Variants in BTBD9 observed in about 807,000 individuals in gnomAD.
BTBD9 encodes BTB/POZ domain-containing protein 9.
In BTBD9, 49 loss-of-function variants were observed where a neutral mutation model predicts 64.3. The ratio of observed to expected loss-of-function variants is 0.76; its 90% CI spans 0.61 to 0.97. The LOEUF is 0.97. BTBD9 is among the 50% of genes least tolerant of loss of function. The probability of loss-of-function intolerance (pLI) is 0.00; values close to 1 mark genes in which losing one functional copy is unlikely to be tolerated. For missense variants in BTBD9, 598 were observed against 762.1 expected, an observed-to-expected ratio of 0.78 and a Z score of 2.53; for synonymous variants, 260 against 274.7, an observed-to-expected ratio of 0.95 and a Z score of 0.53.
At chr6:38,218,052 CGTG>C (rs1319772943) in intron 9 of BTBD9, among the ~76,000 whole-genome samples, 1 of 152,138 alleles carries the variant, frequency 6.6e-6, no homozygotes, top group Non-Finnish European at 1.5e-5. Flanking sequence ...TCAGCAGTCA[CGTG>C]AGCCTTGTTC....
intron 1 of BTBD9, among the ~76,000 whole-genome samples, chr6:38,630,098 C>T (rs1778310769): frequency 1.3e-5 from 2 of 150,998 alleles, no homozygotes; most frequent in South Asian, 2.1e-4. Flanking sequence ...ATCCCAGCTA[C>T]TTGGGAGGCT....
chr6:38,613,019 C>T (rs1296560914), intron 1 of BTBD9: 2 of 151,996 alleles, frequency 1.3e-5, no homozygotes, highest in Admixed American at 1.3e-4. Flanking sequence ...TACAGCAGGG[C>T]CAAATTGAGA....
intron 6 of BTBD9, among the ~76,000 whole-genome samples, chr6:38,384,009 A>G (rs989027799): frequency 6.6e-6 from 1 of 152,016 alleles, no homozygotes; most frequent in African/African-American, 2.4e-5. Flanking sequence ...TCAGTCATAC[A>G]TTATCTTCCT....
At chr6:38,291,809 ATG>A (rs1582175296) in intron 7 of BTBD9, among the ~76,000 whole-genome samples, 1 of 152,260 alleles carries the variant, frequency 6.6e-6, no homozygotes, top group East Asian at 1.9e-4. Flanking sequence ...TGATTTGCGT[ATG>A]TTGAACCAGC....
At chr6:38,305,986 T>C (rs901843895) in intron 7 of BTBD9, among the ~76,000 whole-genome samples, 2 of 152,220 alleles carry the variant, frequency 1.3e-5, no homozygotes, top group African/African-American at 4.8e-5. Context: ...GCCTACCTAG[T>C]TGGACTGCCT....
chr6:38,429,638 A>G (rs1768350742), intron 6 of BTBD9, among the ~76,000 whole-genome samples: 1 of 151,980 alleles, frequency 6.6e-6, no homozygotes, highest in Non-Finnish European at 1.5e-5. Context: ...TGTTGCTCCA[A>G]TTTTCCAACA....
intron 6 of BTBD9, among the ~76,000 whole-genome samples, chr6:38,433,585 C>T (rs1768553567): frequency 1.3e-5 from 2 of 151,714 alleles, no homozygotes; most frequent in Non-Finnish European, 2.9e-5. Context: ...TTTTCCACTA[C>T]CCACCCAAAT....
chr6:38,538,127 T>TGTTAGAATGTTAGTG (rs1774107674), intron 6 of BTBD9, among the ~76,000 whole-genome samples: 1 of 152,228 alleles, frequency 6.6e-6, no homozygotes. Flanking sequence ...CAGACCCACA[T>TGTTAGAATGTTAGTG]GTTAGAATCC....
intron 6 of BTBD9, among the ~76,000 whole-genome samples, chr6:38,399,525 C>T (rs1766833076): frequency 6.6e-6 from 1 of 152,104 alleles, no homozygotes; most frequent in Non-Finnish European, 1.5e-5. Flanking sequence ...TTTAAATTCC[C>T]TATATAGGTT....
At chr6:38,285,158 T>C (rs1219427812) in intron 8 of BTBD9, among the ~76,000 whole-genome samples, 1 of 151,918 alleles carries the variant, frequency 6.6e-6, no homozygotes, top group Non-Finnish European at 1.5e-5. Flanking sequence ...GGAGGGACGG[T>C]TGTGGGTGGG....
chr6:38,556,519 G>GCA lies in BTBD9; in HGVS notation c.1154+21080_1154+21081insTG, dbSNP rs1206495976. Among the ~76,000 whole-genome samples the GCA allele has an allele frequency of 1.3e-4, 6 of 44,898 alleles. No homozygotes were observed. In the East Asian group the frequency reaches 2.4e-3, roughly 18 times the overall value. 29.5% of individuals were successfully genotyped at this position (44,898 alleles called of 152,430 possible). A position where few individuals can be genotyped will look rare whatever the true frequency, so the allele number is the denominator to read the frequency against. On this transcript the variant is annotated intron_variant, in intron 6 of 10. Coordinates refer to ENST00000481247, the MANE Select transcript of BTBD9 (RefSeq NM_001099272.2). ...TTTGTCCTATAAAGTGTGTGTGTGTGTGTGTGTGTGTGTGTGTGTGTGTGT... is the reference window on the plus strand; with the variant it reads ...TTTGTCCTATAAAGTGTGTGTGTGTGCATGTGTGTGTGTGTGTGTGTGTGTGT...
At chr6:38,527,759 G>C (rs1582580471) in intron 6 of BTBD9, among the ~76,000 whole-genome samples, 1 of 141,812 alleles carries the variant, frequency 7.1e-6, no homozygotes, top group East Asian at 2.4e-4. Flanking sequence ...ATCATAATCA[G>C]AAACCAATTT....
intron 8 of BTBD9, among the ~76,000 whole-genome samples, chr6:38,261,027 T>G (rs575733084): frequency 6.6e-6 from 1 of 152,088 alleles, no homozygotes; most frequent in Non-Finnish European, 1.5e-5. Context: ...GCAGCCTCAA[T>G]TTCCTGGACT....
At chr6:38,307,952 GTGGCAACAGTAGATCTCAAACA>G (rs2127568685) in intron 7 of BTBD9, among the ~76,000 whole-genome samples, 1 of 152,318 alleles carries the variant, frequency 6.6e-6, no homozygotes, top group South Asian at 2.1e-4. Context: ...GTGAGGTGAT[GTGGCAACAGTAGATCTCAAACA>G]TACAAGTTCA....
intron 10 of BTBD9, among the ~76,000 whole-genome samples, chr6:38,182,877 A>C (rs1161506601): frequency 1.3e-5 from 2 of 152,186 alleles, no homozygotes; most frequent in Non-Finnish European, 2.9e-5. Flanking sequence ...GCAGTGTCTG[A>C]AACAACCATA....
chr6:38,377,756 A>G (rs1765750805), intron 6 of BTBD9, among the ~76,000 whole-genome samples: 1 of 152,146 alleles, frequency 6.6e-6, no homozygotes, highest in South Asian at 2.1e-4. Context: ...CTTTTTCATA[A>G]TCATATTTAC....
intron 6 of BTBD9, among the ~76,000 whole-genome samples, chr6:38,413,213 C>T (rs1432388954): frequency 6.6e-6 from 1 of 152,132 alleles, no homozygotes; most frequent in Non-Finnish European, 1.5e-5. Context: ...GACTCCTCTT[C>T]AGTAACGTGG....
chr6:38,496,479 CAA>C (rs549659852), intron 6 of BTBD9, among the ~76,000 whole-genome samples: 1 of 146,786 alleles, frequency 6.8e-6, no homozygotes. Flanking sequence ...TCTGTCACTA[CAA>C]AAAAAAAATT....
chr6:38,277,789 T>C (rs976050252), intron 8 of BTBD9, among the ~76,000 whole-genome samples: 2 of 152,222 alleles, frequency 1.3e-5, no homozygotes, highest in African/African-American at 4.8e-5. Context: ...GGGTGAATTA[T>C]ATGGCATGTG....
Sources: allele counts gnomAD v4.1 joint callset (sites outside exome capture counted in the v4.1 genomes callset), GRCh38; gene constraint gnomAD v4.1.1; transcripts MANE v1.5; gene names NCBI Gene and HGNC (gene_info 2026-07-23, HGNC 2026-07-21).